PRDX4: variants seen among roughly 807,000 people sequenced by gnomAD.
PRDX4 encodes peroxiredoxin 4, also known as peroxiredoxin-4.
A neutral mutation model predicts 20.5 loss-of-function variants in PRDX4; 12 were observed. The observed-to-expected ratio is 0.58, with a 90% CI of 0.37 to 0.95. The LOEUF is 0.95. Ranked by LOEUF, PRDX4 falls within the 40% of genes least tolerant of loss-of-function variation. The probability of loss-of-function intolerance (pLI) is 0.01; values close to 1 mark genes in which losing one functional copy is unlikely to be tolerated. For synonymous variants in PRDX4, 99 were observed against 87.5 expected (o/e 1.13, Z -0.73); for missense variants, 180 against 207.3 (o/e 0.87, Z 0.81).
intron 3 of PRDX4, among the ~76,000 whole-genome samples, chrX:23,678,052 A>G (rs780888616): frequency 1.8e-5 from 2 of 111,657 alleles, no homozygotes; most frequent in South Asian, 3.7e-4. Flanking sequence ...GGATCACCTG[A>G]GGTCAAGTGT....
intron 3 of PRDX4, among the ~76,000 whole-genome samples, chrX:23,678,944 C>T (rs1245712410): frequency 9.0e-6 from 1 of 111,107 alleles, no homozygotes; most frequent in Non-Finnish European, 1.9e-5. Context: ...GTCTCAAAAA[C>T]ATAAAATAAA....
chrX:23,682,825 C>CAAAAAAAAAAAAAAAAAAA (rs568865999), intron 5 of PRDX4, among the ~76,000 whole-genome samples: 1 of 9,584 alleles, frequency 1.0e-4, no homozygotes, highest in Non-Finnish European at 1.5e-4. Flanking sequence ...TACTAAAAAT[C>CAAAAAAAAAAAAAAAAAAA]AAAAAAAAAA....
intron 6 of PRDX4, among the ~76,000 whole-genome samples, chrX:23,685,230 T>A (rs1384645911): frequency 2.7e-5 from 3 of 112,081 alleles, no homozygotes; most frequent in Non-Finnish European, 5.6e-5. Flanking sequence ...CTTGGACACC[T>A]AGCACATGCC....
chrX:23,678,355 C>T (rs1336907546), intron 3 of PRDX4, among the ~76,000 whole-genome samples: 7 of 107,796 alleles, frequency 6.5e-5, no homozygotes, highest in Admixed American at 3.0e-4. Context: ...ATAGGCCAGG[C>T]GCGGTGGCTC....
intron 3 of PRDX4, among the ~76,000 whole-genome samples, chrX:23,677,103 A>G (rs1001569139): frequency 2.7e-5 from 3 of 111,656 alleles, no homozygotes; most frequent in African/African-American, 6.5e-5. Flanking sequence ...ATGCATATCC[A>G]CTAAGGAAAA....
At chrX:23,668,862 CA>C (rs1416517898) in intron 1 of PRDX4, among the ~76,000 whole-genome samples, 1 of 110,332 alleles carries the variant, frequency 9.1e-6, no homozygotes, top group Non-Finnish European at 1.9e-5. Context: ...TCCTCTTAAA[CA>C]TTTACAGTTC....
chrX:23,677,806 CA>C (rs1001516651), intron 3 of PRDX4, among the ~76,000 whole-genome samples: 23 of 99,944 alleles, frequency 2.3e-4, no homozygotes, highest in African/African-American at 2.9e-4. Context: ...GTTTATAAAG[CA>C]AAAAAAAAAG....
chrX:23,680,200 A>G (rs1928039064), intron 4 of PRDX4, among the ~76,000 whole-genome samples: 1 of 111,863 alleles, frequency 8.9e-6, no homozygotes, highest in Non-Finnish European at 1.9e-5. Flanking sequence ...AAGTTATATA[A>G]TAATTTAATT....
intron 4 of PRDX4, among the ~76,000 whole-genome samples, chrX:23,680,871 ACTGCACTCT>A (rs1928053576): frequency 1.8e-5 from 2 of 111,308 alleles, no homozygotes; most frequent in South Asian, 3.8e-4. Flanking sequence ...TGATCACACC[ACTGCACTCT>A]CGCCTGGGTA....
Position 23,667,566 on chromosome X carries a change from T to A in PRDX4, c.-5T>A. 8.5e-7 allele frequency: 1 copy of A among 1,180,051 alleles called. No homozygotes were observed. Among genetic ancestry groups the A allele is most frequent in the Non-Finnish European group, 1.1e-6 (1 of 880,038 alleles). On this transcript the variant is annotated 5_prime_UTR_variant, in exon 1 of 7. Coordinates refer to ENST00000379341, the MANE Select transcript of PRDX4 (RefSeq NM_006406.2). Reference sequence around the variant, plus strand: ...CAAGGGACGTGTTTCTGCGCTCGCGTGGTCATGGAGGCGCTGCCGCTGCTA... The same window carrying A: ...CAAGGGACGTGTTTCTGCGCTCGCGAGGTCATGGAGGCGCTGCCGCTGCTA...
intron 4 of PRDX4, among the ~76,000 whole-genome samples, chrX:23,680,735 A>T (rs1400653662): frequency 5.9e-4 from 64 of 109,337 alleles, no homozygotes; most frequent in African/African-American, 2.1e-3. Context: ...TCTACAAAAA[A>T]AAAAAAATAA....
rs12387212 is a variant in PRDX4 at position 23,672,133 on chromosome X, C to T, written c.359+487C>T. 6.0e-3 allele frequency among the ~76,000 whole-genome samples: 665 copies of T among 111,374 alleles called. 4 individuals are homozygous for T. Among genetic ancestry groups the T allele is most frequent in the African/African-American group, 0.02 (624 of 30,650 alleles). On this transcript the variant is annotated intron_variant, in intron 2 of 6. Transcript: ENST00000379341. ...AAAATTAGCTGGGCGTGGTGGTACG[C>T]GCCTGTAGTCCCAGCTACTCGGGAG...
chrX:23,669,012 G>A (rs1465395796), intron 1 of PRDX4, among the ~76,000 whole-genome samples: 2 of 109,722 alleles, frequency 1.8e-5, no homozygotes, highest in Non-Finnish European at 3.8e-5. Flanking sequence ...TGCAACCTCC[G>A]CCGCCCGGGT....
At chrX:23,679,789 C>T (rs773907533) in intron 4 of PRDX4, among the ~76,000 whole-genome samples, 62 of 109,989 alleles carry the variant, frequency 5.6e-4, no homozygotes, top group Non-Finnish European at 2.5e-4. Context: ...CTATCCTGGC[C>T]AACCAACATG....
Position 23,667,524 on chromosome X carries a change from A to G in PRDX4, c.-47A>G. The G allele has an allele frequency of 8.8e-7, 1 of 1,132,749 alleles. No individual in the cohort carries two copies. The highest frequency in any genetic ancestry group is 3.3e-5 in the East Asian group (1 of 30,692). 93.4% of individuals were successfully genotyped at this position (1,132,749 alleles called of 1,213,427 possible). A position where few individuals can be genotyped will look rare whatever the true frequency, so the allele number is the denominator to read the frequency against. ...GCGGTTGTAGCTGCCCGGCGGCGGC[A>G]GAAGCGGCGCTCGCGCCAAGGGACG... On this transcript the variant is annotated 5_prime_UTR_variant, in exon 1 of 7. Coordinates refer to ENST00000379341, the MANE Select transcript of PRDX4 (RefSeq NM_006406.2).
In PRDX4 at chrX:23,671,566, G is replaced by A; in HGVS notation, c.279G>A (p.Val93=). ...CGCCCTACTGGGAAGGAACAGCTGT[G>A]ATCGATGGAGAATTTAAGGAGCTGA... ...KPAPYWEGTA[V]IDGEFKELKL... The change falls in exon 2 of 7, where the codon GTG becomes GTA. Residue 93 remains valine, a synonymous_variant. Coordinates refer to ENST00000379341, the MANE Select transcript of PRDX4 (RefSeq NM_006406.2). 8.3e-7 allele frequency: 1 copy of A among 1,207,676 alleles called. No individual in the cohort carries two copies. Among genetic ancestry groups the A allele is most frequent in the Non-Finnish European group, 1.1e-6 (1 of 894,145 alleles).
In PRDX4 at chrX:23,667,560, C is replaced by T; in HGVS notation, c.-11C>T. On this transcript the variant is annotated 5_prime_UTR_variant, in exon 1 of 7. Coordinates refer to ENST00000379341, the MANE Select transcript of PRDX4 (RefSeq NM_006406.2). ...TCGCGCCAAGGGACGTGTTTCTGCGCTCGCGTGGTCATGGAGGCGCTGCCG... is the reference window on the plus strand; with the variant it reads ...TCGCGCCAAGGGACGTGTTTCTGCGTTCGCGTGGTCATGGAGGCGCTGCCG... 4 of 1,176,926 alleles carry T rather than the reference C, an allele frequency of 3.4e-6. No homozygotes were observed. The highest frequency in any genetic ancestry group is 1.9e-5 in the South Asian group (1 of 53,586).
At chrX:23,682,848 AAAAAAATATAT>A (rs1928106147) in intron 5 of PRDX4, among the ~76,000 whole-genome samples, 1 of 62,194 alleles carries the variant, frequency 1.6e-5, no homozygotes, top group Non-Finnish European at 3.1e-5. Context: ...AAAAAAAAAA[AAAAAAATATAT>A]ATATATATAT....
chrX:23,675,369 T>C (rs1020844027), intron 3 of PRDX4: 4 of 470,984 alleles, frequency 8.5e-6, no homozygotes, highest in Non-Finnish European at 1.3e-5. Context: ...ATGCAATAGA[T>C]GTGATTTCTA....
Sources: allele counts gnomAD v4.1 joint callset (sites outside exome capture counted in the v4.1 genomes callset), GRCh38; gene constraint gnomAD v4.1.1; transcripts MANE v1.5; gene names NCBI Gene and HGNC (gene_info 2026-07-23, HGNC 2026-07-21).